The following CADM1 variants were observed in gnomAD, a reference collection of about 807,000 sequenced individuals.
CADM1 encodes the protein TSLC-1.
CADM1 carries 15 observed loss-of-function variants against 53.1 expected under a neutral mutation model. The ratio of observed to expected loss-of-function variants is 0.28; its 90% CI spans 0.19 to 0.44. The LOEUF (loss-of-function observed/expected upper bound fraction) is 0.44. Among genes scored for constraint, CADM1 ranks in the 20% least tolerant of loss-of-function variants. The probability of loss-of-function intolerance (pLI) is 1.00; values close to 1 mark genes in which losing one functional copy is unlikely to be tolerated. For missense variants in CADM1, 434 were observed against 611.3 expected (o/e 0.71, Z 3.06); for synonymous variants, 281 against 243.0 (o/e 1.16, Z -1.45).
chr11:115,421,971 G>T (rs750233188), intron 1 of CADM1, among the ~76,000 whole-genome samples: 18 of 152,304 alleles, frequency 1.2e-4, no homozygotes, highest in Non-Finnish European at 2.1e-4. Flanking sequence ...TGCCCTAAGG[G>T]TATGCTTCCA....
At chr11:115,385,455 C>G (rs1946676619) in intron 1 of CADM1, among the ~76,000 whole-genome samples, 1 of 152,114 alleles carries the variant, frequency 6.6e-6, no homozygotes, top group African/African-American at 2.4e-5. Flanking sequence ...AGCCAGCCAG[C>G]AAATGCCTTC....
chr11:115,373,080 TGCTCAAAGCAATGAGG>T (rs1354434979), intron 1 of CADM1, among the ~76,000 whole-genome samples: 1 of 152,236 alleles, frequency 6.6e-6, no homozygotes, highest in Non-Finnish European at 1.5e-5. Context: ...CCAGGCATTC[TGCTCAAAGCAATGAGG>T]GAGGATTCTC....
chr11:115,220,539 A>T (rs1260607933), intron 5 of CADM1, among the ~76,000 whole-genome samples: 1 of 152,230 alleles, frequency 6.6e-6, no homozygotes, highest in Non-Finnish European at 1.5e-5. Flanking sequence ...CAGCTGCCAC[A>T]GTTACCGTAA....
Position 115,264,024 on chromosome 11 carries a change from G to A in CADM1, c.125-23604C>T, listed in dbSNP as rs540552210. On this transcript the variant is annotated intron_variant, in intron 1 of 11. Coordinates refer to ENST00000331581, the MANE Select transcript of CADM1 (RefSeq NM_001301043.2). ...GTCCCTGTAATAAGAGGAGGAAGATGAGATCGAGAGTCAAATTCTAACAGA... is the reference window on the plus strand; with the variant it reads ...GTCCCTGTAATAAGAGGAGGAAGATAAGATCGAGAGTCAAATTCTAACAGA... Among the ~76,000 whole-genome samples, 6 of 152,318 alleles carry A rather than the reference G, an allele frequency of 3.9e-5. No individual in the cohort carries two copies. In the South Asian group the frequency reaches 1.2e-3, roughly 32 times the overall value.
chr11:115,289,527 A>C (rs1183565596), intron 1 of CADM1, among the ~76,000 whole-genome samples: 1 of 151,472 alleles, frequency 6.6e-6, no homozygotes, highest in Non-Finnish European at 1.5e-5. Context: ...TATGGTAGTC[A>C]CTCAACATAT....
At chr11:115,369,057 AG>A (rs1313867488) in intron 1 of CADM1, among the ~76,000 whole-genome samples, 3 of 140,696 alleles carry the variant, frequency 2.1e-5, no homozygotes, top group Non-Finnish European at 3.2e-5. Context: ...AAAAAAAATT[AG>A]GTAAGCAATA....
intron 1 of CADM1, among the ~76,000 whole-genome samples, chr11:115,458,117 GTCTC>G (rs4019424): frequency 0.011 from 1,563 of 148,034 alleles, 23 homozygotes; most frequent in African/African-American, 0.033. Flanking sequence ...GGATACTAAA[GTCTC>G]TCTCTCTCTC....
At chr11:115,245,544 C>G (rs922069286) in intron 1 of CADM1, among the ~76,000 whole-genome samples, 2 of 152,072 alleles carry the variant, frequency 1.3e-5, no homozygotes, top group Admixed American at 1.3e-4. Flanking sequence ...TTTTTACAAC[C>G]CTGTTCAGGG....
rs1432930359 is a variant in CADM1 at position 115,442,278 on chromosome 11, C to CTTTTGGGTG, written c.124+61992_124+61993insCACCCAAAA. Among the ~76,000 whole-genome samples the CTTTTGGGTG allele has an allele frequency of 1.2e-4, 19 of 152,094 alleles. No individual in the cohort carries two copies. In the East Asian group the frequency reaches 2.9e-3, roughly 23 times the overall value. On this transcript the variant is annotated intron_variant, in intron 1 of 11. Coordinates refer to ENST00000331581, the MANE Select transcript of CADM1 (RefSeq NM_001301043.2). ...TATATGAAAAAGCATTCTAATATTA[C>CTTTTGGGTG]AGCTACCCAAAATGAAAGGGCTCAC...
intron 1 of CADM1, among the ~76,000 whole-genome samples, chr11:115,371,299 G>A (rs1231027535): frequency 6.6e-6 from 1 of 152,138 alleles, no homozygotes; most frequent in African/African-American, 2.4e-5. Flanking sequence ...AAGGCTGAGA[G>A]AGGAAAATAG....
intron 1 of CADM1, chr11:115,333,663 T>A (rs922140969): frequency 6.6e-6 from 1 of 152,176 alleles, no homozygotes; most frequent in East Asian, 1.9e-4. Flanking sequence ...GGAGTCGGTA[T>A]CATCTTGATA....
In CADM1 at chr11:115,214,700, T is replaced by C. The variant is rs765359612; in HGVS notation, c.902A>G (p.Asn301Ser). ...ACCATTATCTGTTTTGTTTAGGTTA[T>C]TGATGAACAGGTTGGGCCCAGACAG... ...AVLSGPNLFI[N>S]NLNKTDNGTY... Residue 301 changes from asparagine to serine, a missense_variant, in exon 7 of 12, where the codon AAT becomes AGT. Asn to Ser is a conservative substitution (Grantham distance 46, BLOSUM62 1). Transcript: ENST00000331581. The C allele has an allele frequency of 2.5e-5, 40 of 1,613,960 alleles. No homozygotes were observed. The highest frequency in any genetic ancestry group is 3.3e-5 in the Admixed American group (2 of 60,004).
At chr11:115,204,367 C>T (rs1198949141) in intron 8 of CADM1, among the ~76,000 whole-genome samples, 1 of 152,210 alleles carries the variant, frequency 6.6e-6, no homozygotes, top group Non-Finnish European at 1.5e-5. Flanking sequence ...CCCAATTGTA[C>T]AGTATCTCTT....
chr11:115,342,478 G>A (rs749276080), intron 1 of CADM1, among the ~76,000 whole-genome samples: 15 of 152,224 alleles, frequency 9.9e-5, no homozygotes, highest in South Asian at 2.1e-4. Flanking sequence ...GCTCCTTACC[G>A]GTCTCTAAGT....
chr11:115,359,515 T>G (rs748937860), intron 1 of CADM1, among the ~76,000 whole-genome samples: 1 of 152,106 alleles, frequency 6.6e-6, no homozygotes, highest in African/African-American at 2.4e-5. Flanking sequence ...ACAGTCATAT[T>G]AGAAACTTCC....
intron 1 of CADM1, among the ~76,000 whole-genome samples, chr11:115,430,402 A>C (rs530162423): frequency 1.2e-4 from 19 of 152,346 alleles, no homozygotes; most frequent in African/African-American, 3.6e-4. Flanking sequence ...TGTTTCAAAA[A>C]TAAATTCCAT....
chr11:115,280,445 T>A (rs565046184), intron 1 of CADM1, among the ~76,000 whole-genome samples: 1 of 152,202 alleles, frequency 6.6e-6, no homozygotes, highest in Non-Finnish European at 1.5e-5. Flanking sequence ...TTATGTGGCA[T>A]AGTGATGAAA....
chr11:115,376,943 G>T (rs1946453149), intron 1 of CADM1, among the ~76,000 whole-genome samples: 1 of 152,130 alleles, frequency 6.6e-6, no homozygotes, highest in South Asian at 2.1e-4. Context: ...TAAGTCATTT[G>T]TCATCAGCAA....
chr11:115,231,253 T>C, intron 4 of CADM1, 100 bp downstream of exon 4: 1 of 1,308,260 alleles, frequency 7.6e-7, no homozygotes. Context: ...AATGAATACT[T>C]TTGTTTCATG....
Sources: allele counts gnomAD v4.1 joint callset (sites outside exome capture counted in the v4.1 genomes callset), GRCh38; gene constraint gnomAD v4.1.1; transcripts MANE v1.5; gene names NCBI Gene and HGNC (gene_info 2026-07-23, HGNC 2026-07-21).